CNTNAP2: variants seen among roughly 807,000 people sequenced by gnomAD.
CNTNAP2 encodes contactin associated protein 2.
In CNTNAP2, 98 loss-of-function variants were observed where a neutral mutation model predicts 155.2. The observed-to-expected ratio is 0.63, with a 90% CI of 0.54 to 0.75. CNTNAP2 has a LOEUF of 0.75. Among genes scored for constraint, CNTNAP2 ranks in the 30% least tolerant of loss-of-function variants. CNTNAP2 has a pLI of 0.00. For synonymous variants in CNTNAP2, 651 were observed against 631.2 expected (o/e 1.03, Z -0.47); for missense variants, 1,727 against 1,688.1 (o/e 1.02, Z -0.40).
chr7:148,086,869 T>C (rs1318736019), intron 15 of CNTNAP2, among the ~76,000 whole-genome samples: 3 of 152,138 alleles, frequency 2.0e-5, no homozygotes, highest in Non-Finnish European at 4.4e-5. Context: ...ATATATCAAA[T>C]TGTTTTTTTT....
intron 21 of CNTNAP2, among the ~76,000 whole-genome samples, chr7:148,344,350 T>C (rs1798284633): frequency 1.3e-5 from 2 of 152,208 alleles, no homozygotes; most frequent in Middle Eastern, 3.2e-3. Flanking sequence ...AATTCATGTG[T>C]GTCCGGGTCT....
chr7:147,491,396 C>T (rs185130078), intron 11 of CNTNAP2, among the ~76,000 whole-genome samples: 1 of 152,306 alleles, frequency 6.6e-6, no homozygotes, highest in African/African-American at 2.4e-5. Flanking sequence ...CAGATTTCAG[C>T]TCAGCAGTCA....
intron 9 of CNTNAP2, among the ~76,000 whole-genome samples, chr7:147,383,875 C>G (rs1339984346): frequency 6.6e-6 from 1 of 152,112 alleles, no homozygotes; most frequent in East Asian, 1.9e-4. Context: ...CACACAAACA[C>G]AGCCCCCCCA....
chr7:146,779,295 G>T (rs1802441915), intron 2 of CNTNAP2, among the ~76,000 whole-genome samples: 1 of 152,072 alleles, frequency 6.6e-6, no homozygotes, highest in Non-Finnish European at 1.5e-5. Context: ...ACAAAAACTA[G>T]TTATTATCCC....
At chr7:146,426,751 C>A (rs1475937237) in intron 1 of CNTNAP2, among the ~76,000 whole-genome samples, 4 of 151,378 alleles carry the variant, frequency 2.6e-5, no homozygotes, top group Non-Finnish European at 5.9e-5. Flanking sequence ...ATCAGTTAGA[C>A]AAGAGGAATA....
intron 1 of CNTNAP2, among the ~76,000 whole-genome samples, chr7:146,306,920 C>G (rs1357668616): frequency 6.6e-6 from 1 of 152,110 alleles, no homozygotes; most frequent in East Asian, 1.9e-4. Context: ...AAAACGGGCA[C>G]AAGGCAGGGA....
intron 17 of CNTNAP2, among the ~76,000 whole-genome samples, chr7:148,165,383 G>A (rs1457931596): frequency 6.6e-6 from 1 of 152,024 alleles, no homozygotes; most frequent in African/African-American, 2.4e-5. Context: ...TGGAGGTTAG[G>A]GATTCAACAG....
At chr7:147,018,296 A>C (rs1236050187) in intron 3 of CNTNAP2, among the ~76,000 whole-genome samples, 1 of 152,054 alleles carries the variant, frequency 6.6e-6, no homozygotes, top group African/African-American at 2.4e-5. Context: ...TCTTTCTTGA[A>C]AACTGAAACA....
chr7:147,222,308 G>A (rs1803419174), intron 8 of CNTNAP2, among the ~76,000 whole-genome samples: 1 of 151,464 alleles, frequency 6.6e-6, no homozygotes, highest in Non-Finnish European at 1.5e-5. Context: ...AATTTTGGAG[G>A]TTTCTATTGA....
At chr7:147,793,868 A>G (rs1312008125) in intron 13 of CNTNAP2, among the ~76,000 whole-genome samples, 1 of 151,972 alleles carries the variant, frequency 6.6e-6, no homozygotes, top group Non-Finnish European at 1.5e-5. Flanking sequence ...TTTAAAGTAT[A>G]GGTTTGTGCC....
At chr7:147,300,046 A>T in intron 8 of CNTNAP2, 95 bp from the exon 9 acceptor site, 1 of 1,348,916 alleles carries the variant, frequency 7.4e-7, no homozygotes, top group South Asian at 1.2e-5. Flanking sequence ...AGAGAAAAAT[A>T]CTTTTATTTG....
intron 4 of CNTNAP2, among the ~76,000 whole-genome samples, chr7:147,060,738 C>G (rs1799649374): frequency 6.6e-6 from 1 of 152,052 alleles, no homozygotes; most frequent in South Asian, 2.1e-4. Context: ...GTGGCGGGCG[C>G]CTGTAGTCCC....
intron 1 of CNTNAP2, among the ~76,000 whole-genome samples, chr7:146,342,492 A>G (rs988257262): frequency 3.3e-5 from 5 of 152,198 alleles, no homozygotes; most frequent in African/African-American, 1.2e-4. Flanking sequence ...ATGTGAAGTA[A>G]TTATAGACTG....
intron 1 of CNTNAP2, among the ~76,000 whole-genome samples, chr7:146,633,890 G>A (rs1799554423): frequency 6.8e-6 from 1 of 147,928 alleles, no homozygotes; most frequent in African/African-American, 2.5e-5. Context: ...GTCAGTAGGT[G>A]TACTTTTGGA....
chr7:146,680,461 T>A (rs1227230717), intron 1 of CNTNAP2, among the ~76,000 whole-genome samples: 1 of 152,180 alleles, frequency 6.6e-6, no homozygotes, highest in Non-Finnish European at 1.5e-5. Context: ...AAAACCTTCA[T>A]AACCTTGATT....
chr7:146,452,248 C>A (rs1283229392), intron 1 of CNTNAP2, among the ~76,000 whole-genome samples: 1 of 152,024 alleles, frequency 6.6e-6, no homozygotes, highest in Non-Finnish European at 1.5e-5. Context: ...CCATAAACTT[C>A]TATTATAATA....
chr7:146,901,110 T>C (rs531223507), intron 3 of CNTNAP2, among the ~76,000 whole-genome samples: 113 of 152,114 alleles, frequency 7.4e-4, no homozygotes, highest in African/African-American at 2.7e-3. Flanking sequence ...CAAAAGCTAT[T>C]TTTTAAGATA....
chr7:147,684,114 C>T (rs1411800689), intron 13 of CNTNAP2, among the ~76,000 whole-genome samples: 1 of 151,638 alleles, frequency 6.6e-6, no homozygotes, highest in Non-Finnish European at 1.5e-5. Flanking sequence ...TTTCAACTAC[C>T]GTGACTTTAA....
intron 13 of CNTNAP2, among the ~76,000 whole-genome samples, chr7:147,725,465 T>G (rs1796625632): frequency 6.6e-6 from 1 of 152,102 alleles, no homozygotes; most frequent in African/African-American, 2.4e-5. Flanking sequence ...TCTGCGTTTT[T>G]ATATTAAAGC....
Sources: gnomAD v4.1 joint callset for allele counts (sites outside exome capture counted in the v4.1 genomes callset) on GRCh38, gnomAD v4.1.1 for gene constraint, MANE v1.5 for transcripts, NCBI Gene and HGNC (gene_info 2026-07-23, HGNC 2026-07-21) for gene names.